RP1L1: variants seen among roughly 807,000 people sequenced by gnomAD.
RP1L1 encodes the protein RP1 like 1.
In RP1L1, 27 loss-of-function variants were observed where a neutral mutation model predicts 15.7. That is an observed-to-expected ratio of 1.72 (90% CI 1.27 to 2.38). RP1L1 has a LOEUF of 2.38. Ranked by LOEUF, RP1L1 falls within the 30% of genes most tolerant of loss-of-function variation. The pLI is 0.00. For missense variants in RP1L1, 4,798 were observed against 3,075.9 expected, an observed-to-expected ratio of 1.56 and a Z score of -13.24; for synonymous variants, 1,813 against 1,276.7, an observed-to-expected ratio of 1.42 and a Z score of -8.96.
intron 1 of RP1L1, among the ~76,000 whole-genome samples, chr8:10,632,535 C>G (rs931249793): frequency 6.6e-6 from 1 of 152,210 alleles, no homozygotes; most frequent in Non-Finnish European, 1.5e-5. Context: ...GCCTGCAGCT[C>G]CTTGTCTCCG....
chr8:10,628,604 T>G (rs1209535844), intron 1 of RP1L1, among the ~76,000 whole-genome samples: 2 of 152,134 alleles, frequency 1.3e-5, no homozygotes, highest in African/African-American at 4.8e-5. Context: ...GGGCTGGCCA[T>G]GGAGCCCCGG....
Position 10,611,118 on chromosome 8 carries a change from G to C in RP1L1, c.2980C>G (p.Pro994Ala). The C allele has an allele frequency of 6.2e-7, 1 of 1,612,876 alleles. No homozygotes were observed. The highest frequency in any genetic ancestry group is 8.5e-7 in the Non-Finnish European group (1 of 1,180,010). Residue 994 changes from proline to alanine, a missense_variant, in exon 4 of 4, where the codon CCT becomes GCT. Pro to Ala is a conservative substitution (Grantham distance 27). Coordinates refer to ENST00000382483, the MANE Select transcript of RP1L1 (RefSeq NM_178857.6). Reference protein sequence around the residue: ...GGGLRGPEVDPGDDHSLEGLG... With the variant: ...GGGLRGPEVDAGDDHSLEGLG... ...CCTTCCAGAGAATGGTCATCCCCAG[G>C]GTCCACCTCGGGGCCTCTCAGGCCA...
chr8:10,654,038 A>G (rs1798602907), intron 1 of RP1L1, among the ~76,000 whole-genome samples: 1 of 152,024 alleles, frequency 6.6e-6, no homozygotes, highest in Non-Finnish European at 1.5e-5. Context: ...TCCCATGGGG[A>G]AGTACAGATC....
rs758464792 is a variant in RP1L1 at position 10,609,975 on chromosome 8, C to T, written c.4123G>A (p.Glu1375Lys). The T allele has an allele frequency of 6.2e-7, 1 of 1,613,888 alleles. No individual in the cohort carries two copies. Among genetic ancestry groups the T allele is most frequent in the Non-Finnish European group, 8.5e-7 (1 of 1,179,896 alleles). ...EGLQEEGVQL[E>K]EVKEGPEGGL... ...CCTTCTGGCCCTTCTTTAACTTCCT[C>T]TAACTGCACCCCCTCTTCTTGCAGC... Residue 1375 changes from glutamate to lysine, a missense_variant, in exon 4 of 4, where the codon GAG becomes AAG. By Grantham distance (56) the Glu-to-Lys change is moderately conservative. Transcript: ENST00000382483.
intron 1 of RP1L1, among the ~76,000 whole-genome samples, chr8:10,648,689 G>A (rs537190392): frequency 1.1e-4 from 17 of 152,352 alleles, no homozygotes; most frequent in Middle Eastern, 3.4e-3. Context: ...GAAAGGCAAT[G>A]AGATCCAGTT....
intron 1 of RP1L1, among the ~76,000 whole-genome samples, chr8:10,635,618 T>C (rs1010205805): frequency 6.6e-6 from 1 of 152,214 alleles, no homozygotes; most frequent in African/African-American, 2.4e-5. Flanking sequence ...GAGTCTCTGA[T>C]CTACACAGTG....
intron 1 of RP1L1, among the ~76,000 whole-genome samples, chr8:10,648,925 G>A (rs886796249): frequency 6.6e-6 from 1 of 152,202 alleles, no homozygotes; most frequent in East Asian, 1.9e-4. Flanking sequence ...TGCTTCACAG[G>A]AGCTGCGAGG....
chr8:10,626,429 G>A (rs530470646), intron 1 of RP1L1, among the ~76,000 whole-genome samples: 67 of 152,270 alleles, frequency 4.4e-4, no homozygotes, highest in African/African-American at 1.6e-3. Flanking sequence ...AGAAAAACAC[G>A]TGGGGCATGC....
chr8:10,612,665 T>A lies in RP1L1; in HGVS notation c.1433A>T (p.Asp478Val). 6.2e-7 allele frequency: 1 copy of A among 1,600,792 alleles called. No individual in the cohort carries two copies. Among genetic ancestry groups the A allele is most frequent in the Non-Finnish European group, 8.5e-7 (1 of 1,177,564 alleles). The change falls in exon 4 of 4, where the codon GAC becomes GTC. Residue 478 changes from aspartate (D) to valine (V), a missense_variant. Physicochemically the swap from Asp to Val is radical, Grantham distance 152 (BLOSUM62 -3). Transcript: ENST00000382483. ...AGAGGGGCTGGCACTGTCCACCCCGTCCTCCGGGGTCCTGGGGCAGCAGGA... is the reference window on the plus strand; with the variant it reads ...AGAGGGGCTGGCACTGTCCACCCCGACCTCCGGGGTCCTGGGGCAGCAGGA... ...ESSCCPRTPE[D>V]GVDSASPSAQ...
At chr8:10,642,392 A>G (rs11786597) in intron 1 of RP1L1, among the ~76,000 whole-genome samples, 76,491 of 152,084 alleles carry the variant, frequency 0.5, 22,210 homozygotes, top group East Asian at 0.9. Context: ...GCTTCTAGGA[A>G]ACCTCTTGAA....
In RP1L1 at chr8:10,611,888, C is replaced by T; in HGVS notation, c.2210G>A (p.Ser737Asn). The change falls in exon 4 of 4, where the codon AGT becomes AAT. Residue 737 changes from serine (S) to asparagine (N), a missense_variant. Coordinates refer to ENST00000382483, the MANE Select transcript of RP1L1 (RefSeq NM_178857.6). ...GTGGACTGCAGGGGTGACAGTGGCA[C>T]TGCTGGTTCCCAGAAGGTCCTGGGA... ...LPSQDLLGTS[S>N]ATVTPAVHSD... is the part of the protein sequence containing the mutation. The T allele has an allele frequency of 1.2e-6, 2 of 1,613,878 alleles. No individual in the cohort carries two copies. Among genetic ancestry groups the T allele is most frequent in the South Asian group, 2.2e-5 (2 of 91,090 alleles).
rs75167482 is a variant in RP1L1 at position 10,648,578 on chromosome 8, C to T, written c.-20+6320G>A. Among the ~76,000 whole-genome samples the T allele has an allele frequency of 4.4e-3, 665 of 152,236 alleles. 4 individuals carry two copies. Among genetic ancestry groups the T allele is most frequent in the African/African-American group, 0.015 (619 of 41,530 alleles). ...CTTTTAAAATAAACATCACGAGGAACAATGGGGCAGGTCTGGGAATGTGCT... is the reference window on the plus strand; with the variant it reads ...CTTTTAAAATAAACATCACGAGGAATAATGGGGCAGGTCTGGGAATGTGCT... On this transcript the variant is annotated intron_variant, in intron 1 of 3. Coordinates refer to ENST00000382483, the MANE Select transcript of RP1L1 (RefSeq NM_178857.6).
At position 10,612,714 on chromosome 8, in the gene RP1L1, G is replaced by A. The variant is rs1797889070; in HGVS notation, c.1384C>T (p.Pro462Ser). Residue 462 changes from proline to serine, a missense_variant, in exon 4 of 4, where the codon CCC (proline) becomes TCC (serine). Physicochemically the swap from Pro to Ser is moderately conservative, Grantham distance 74. Coordinates refer to ENST00000382483, the MANE Select transcript of RP1L1 (RefSeq NM_178857.6). The part of the protein sequence containing the change: ...SASPASSTGL[P>S]EGSEPESSCC... ...GAGGACTCTGGCTCCGAGCCCTCGGGGAGGCCGGTGCTGGAGGCTGGGCTG... is the reference window on the plus strand; with the variant it reads ...GAGGACTCTGGCTCCGAGCCCTCGGAGAGGCCGGTGCTGGAGGCTGGGCTG... 2 of 1,604,966 alleles carry A rather than the reference G, an allele frequency of 1.2e-6. No homozygotes were observed. Among genetic ancestry groups the A allele is most frequent in the Non-Finnish European group, 1.7e-6 (2 of 1,178,846 alleles).
chr8:10,649,574 A>T (rs1179166891), intron 1 of RP1L1, among the ~76,000 whole-genome samples: 1 of 152,138 alleles, frequency 6.6e-6, no homozygotes, highest in Non-Finnish European at 1.5e-5. Flanking sequence ...GAAGGCTCAC[A>T]AATACCTATT....
chr8:10,607,848 C>A lies in RP1L1; in HGVS notation c.6250G>T (p.Asp2084Tyr). The A allele has an allele frequency of 6.9e-6, 11 of 1,592,260 alleles. No homozygotes were observed. The highest frequency in any genetic ancestry group is 2.7e-5 in the African/African-American group (2 of 74,174). Reference sequence around the variant, plus strand: ...CCTTCTGCCTCCTGGGCATCTACATCTTCTGACTCTGGGTGGGCCTCCCCT... The same window carrying A: ...CCTTCTGCCTCCTGGGCATCTACATATTCTGACTCTGGGTGGGCCTCCCCT... Reference protein sequence around the residue: ...AEGEAHPESEDVDAQEAEGEA... With the variant: ...AEGEAHPESEYVDAQEAEGEA... The change falls in exon 4 of 4, where the codon GAT (aspartate) becomes TAT (tyrosine). Residue 2084 changes from aspartate (D) to tyrosine (Y), a missense_variant. Asp to Tyr is a radical substitution (Grantham distance 160, BLOSUM62 -3). Coordinates refer to ENST00000382483, the MANE Select transcript of RP1L1 (RefSeq NM_178857.6).
chr8:10,635,312 T>A (rs1798312987), intron 1 of RP1L1, among the ~76,000 whole-genome samples: 1 of 152,184 alleles, frequency 6.6e-6, no homozygotes, highest in Non-Finnish European at 1.5e-5. Flanking sequence ...GAGGGGACCC[T>A]TCTGGGCATC....
In RP1L1 at chr8:10,623,020, A is replaced by T; in HGVS notation, c.182T>A (p.Phe61Tyr). 1 of 1,614,126 alleles carries T rather than the reference A, an allele frequency of 6.2e-7. No homozygotes were observed. The highest frequency in any genetic ancestry group is 1.7e-4 in the Middle Eastern group (1 of 6,060). ...LAVHQRAFKT[F>Y]SALMDELSQR... The stretch of plus-strand genomic sequence containing the variant: ...GGAGAGCTCGTCCATGAGGGCGCTG[A>T]AGGTCTTAAAGGCGCGCTGGTGAAC... The change falls in exon 2 of 4, where the codon TTC becomes TAC. Residue 61 changes from phenylalanine to tyrosine, a missense_variant. Phe to Tyr is a conservative substitution (Grantham distance 22). Coordinates refer to ENST00000382483, the MANE Select transcript of RP1L1 (RefSeq NM_178857.6).
At chr8:10,626,855 G>C (rs1798166711) in intron 1 of RP1L1, among the ~76,000 whole-genome samples, 1 of 152,206 alleles carries the variant, frequency 6.6e-6, no homozygotes, top group South Asian at 2.1e-4. Context: ...TGGGTGCTGA[G>C]AGCGGCAGGA....
intron 1 of RP1L1, among the ~76,000 whole-genome samples, chr8:10,623,839 T>G (rs1798115217): frequency 1.3e-5 from 2 of 150,092 alleles, no homozygotes; most frequent in Non-Finnish European, 3.0e-5. Context: ...TCCCTCAGCA[T>G]CATCATGCCA....
Sources: allele counts gnomAD v4.1 joint callset (sites outside exome capture counted in the v4.1 genomes callset), GRCh38; gene constraint gnomAD v4.1.1; transcripts MANE v1.5; gene names NCBI Gene and HGNC (gene_info 2026-07-23, HGNC 2026-07-21).